The following PCDHA6 variants were observed in gnomAD, a reference collection of about 807,000 sequenced individuals.
The protein encoded by PCDHA6 is protocadherin alpha 6.
A neutral mutation model predicts 60.3 loss-of-function variants in PCDHA6; 55 were observed. The observed-to-expected ratio is 0.91, with a 90% confidence interval of 0.73 to 1.14. The LOEUF (loss-of-function observed/expected upper bound fraction) is 1.14. Among genes scored for constraint, PCDHA6 ranks in the 50% most tolerant of loss-of-function variants. The probability of loss-of-function intolerance (pLI) is 0.00; values close to 1 mark genes in which losing one functional copy is unlikely to be tolerated. For synonymous variants in PCDHA6, 652 were observed against 557.9 expected, an observed-to-expected ratio of 1.17 and a Z score of -2.38; for missense variants, 1,327 against 1,256.5, an observed-to-expected ratio of 1.06 and a Z score of -0.85.
intron 1 of PCDHA6, chr5:140,882,952 G>A (rs782634608): frequency 3.7e-6 from 6 of 1,614,048 alleles, no homozygotes; most frequent in Non-Finnish European, 5.1e-6. Flanking sequence ...CAGTTCAGCT[G>A]CTCATCACGA....
Position 140,929,060 on chromosome 5 carries a change from A to G in PCDHA6, c.2395-49889A>G, listed in dbSNP as rs782222884. 3 of 1,614,188 alleles carry G rather than the reference A, an allele frequency of 1.9e-6. No individual in the cohort carries two copies. In the South Asian group the frequency reaches 3.3e-5, roughly 18 times the overall value. On this transcript the variant is annotated intron_variant, in intron 1 of 3. Transcript: ENST00000529310. ...GCTCAGAGCTGCTGTCGCTCTACAGAGGATCTGAGGTATGGAAGTAAGATG... is the reference window on the plus strand; with the variant it reads ...GCTCAGAGCTGCTGTCGCTCTACAGGGGATCTGAGGTATGGAAGTAAGATG...
chr5:140,991,981 T>C (rs2097483028), intron 3 of PCDHA6, among the ~76,000 whole-genome samples: 1 of 152,008 alleles, frequency 6.6e-6, no homozygotes, highest in South Asian at 2.1e-4. Flanking sequence ...TTATTCTGCC[T>C]ACCACCCGGT....
rs939986849 is a variant in PCDHA6, at chr5:140,871,330, G to T, written c.2394+40845G>T. 10 of 1,613,998 alleles carry T rather than the reference G, an allele frequency of 6.2e-6. No homozygotes were observed. Among genetic ancestry groups the T allele is most frequent in the Non-Finnish European group, 8.5e-6 (10 of 1,180,034 alleles). On this transcript the variant is annotated intron_variant, in intron 1 of 3. Transcript: ENST00000529310. The stretch of plus-strand genomic sequence containing the variant: ...GAAGCCCACGCTGGTGTGCTCCCGC[G>T]CGGTGGGGAGCTGGTCATACTCGCA...
At chr5:140,842,748 C>T (rs149941021) in intron 1 of PCDHA6, 2 of 1,595,020 alleles carry the variant, frequency 1.3e-6, no homozygotes, top group East Asian at 2.2e-5. Flanking sequence ...CACATCTTCA[C>T]GGTGTCTGCG....
intron 1 of PCDHA6, chr5:140,851,988 A>G: frequency 1.0e-6 from 1 of 975,740 alleles, no homozygotes. Flanking sequence ...AGTGCAAGCT[A>G]TTTGTTTGTT....
chr5:141,010,373 G>A lies in PCDHA6; in HGVS notation c.*436G>A, dbSNP rs1554262916. 6.8e-7 allele frequency: 1 copy of A among 1,463,988 alleles called. No homozygotes were observed. Among genetic ancestry groups the A allele is most frequent in the Admixed American group, 2.4e-5 (1 of 41,618 alleles). The allele number at this position is 1,463,988 out of a possible 1,614,324, so 90.7% of individuals were successfully genotyped here. ...GTGTGGCTACCGCGGGTATGCGAGT[G>A]CCAGATATTGGCTGAGACGAGCCAG... On this transcript the variant is annotated 3_prime_UTR_variant, in exon 4 of 4. Coordinates refer to ENST00000529310, the MANE Select transcript of PCDHA6 (RefSeq NM_018909.4).
chr5:140,953,279 A>T (rs2153698724), intron 1 of PCDHA6, among the ~76,000 whole-genome samples: 1 of 152,188 alleles, frequency 6.6e-6, no homozygotes, highest in Non-Finnish European at 1.5e-5. Context: ...TTTGCTCTTT[A>T]TATGTGATTC....
intron 3 of PCDHA6, among the ~76,000 whole-genome samples, chr5:141,005,470 G>T (rs1563690887): frequency 6.6e-6 from 1 of 151,956 alleles, no homozygotes; most frequent in African/African-American, 2.4e-5. Flanking sequence ...TTGGGAGGCC[G>T]AGACGGGCGG....
chr5:140,923,012 G>A (rs2081117924), intron 1 of PCDHA6, among the ~76,000 whole-genome samples: 1 of 152,206 alleles, frequency 6.6e-6, no homozygotes, highest in Non-Finnish European at 1.5e-5. Flanking sequence ...TTGTTGGACT[G>A]CAGTTTCGGA....
At chr5:140,969,241 A>G (rs1554231627) in intron 1 of PCDHA6, 2 of 1,614,230 alleles carry the variant, frequency 1.2e-6, no homozygotes, top group Admixed American at 3.3e-5. Context: ...CCCAAGCAGC[A>G]GTGACTGACA....
At chr5:140,923,217 ATCGTTTGAG>A (rs2081234922) in intron 1 of PCDHA6, among the ~76,000 whole-genome samples, 1 of 135,418 alleles carries the variant, frequency 7.4e-6, no homozygotes, top group Admixed American at 7.5e-5. Flanking sequence ...AGGTGAAAGG[ATCGTTTGAG>A]CCCAGAAGTT....
At chr5:140,971,715 T>C (rs2096493906) in intron 1 of PCDHA6, among the ~76,000 whole-genome samples, 1 of 152,048 alleles carries the variant, frequency 6.6e-6, no homozygotes. Context: ...TATATAGATA[T>C]ATGTATATCA....
chr5:140,829,141 A>G lies in PCDHA6; in HGVS notation c.1050A>G (p.Ile350Met). 6.2e-7 allele frequency: 1 copy of G among 1,613,462 alleles called. No homozygotes were observed. Among genetic ancestry groups the G allele is most frequent in the Non-Finnish European group, 8.5e-7 (1 of 1,179,358 alleles). ...ILDKNDNVPE[I>M]ALTSLSLPVR... ...ATAAAAATGATAACGTCCCTGAGAT[A>G]GCACTGACTTCCTTATCCTTGCCTG... Residue 350 changes from isoleucine to methionine, a missense_variant, in exon 1 of 4, where the codon ATA becomes ATG. Ile to Met is a conservative substitution (Grantham distance 10, BLOSUM62 1). Coordinates refer to ENST00000529310, the MANE Select transcript of PCDHA6 (RefSeq NM_018909.4).
chr5:140,856,108 C>A, intron 1 of PCDHA6: 1 of 1,598,026 alleles, frequency 6.3e-7, no homozygotes, highest in African/African-American at 1.3e-5. Context: ...TTCTTCTCCT[C>A]GCAGCCTGGG....
chr5:140,934,941 T>C (rs1397192075), intron 1 of PCDHA6, among the ~76,000 whole-genome samples: 4 of 152,172 alleles, frequency 2.6e-5, no homozygotes, highest in African/African-American at 9.6e-5. Context: ...AAAACTAGTA[T>C]AGAGAGATCC....
In PCDHA6 at chr5:140,828,948, C is replaced by A. The variant is rs2150161275; in HGVS notation, c.857C>A (p.Ala286Glu). 4.6e-5 allele frequency: 74 copies of A among 1,614,030 alleles called. No individual in the cohort carries two copies. The highest frequency in any genetic ancestry group is 1.5e-4 in the Admixed American group (9 of 59,998). Residue 286 changes from alanine to glutamate, a missense_variant, in exon 1 of 4, where the codon GCA becomes GAA. Ala to Glu is a moderately radical substitution (Grantham distance 107). Coordinates refer to ENST00000529310, the MANE Select transcript of PCDHA6 (RefSeq NM_018909.4). ...AISYSFNSLVAAMVIDHFSID... is the reference protein window; with the variant it reads ...AISYSFNSLVEAMVIDHFSID... ...TCATATTCTTTTAATAGCCTTGTTG[C>A]AGCCATGGTTATTGACCACTTTAGC...
chr5:140,853,646 G>T (rs1277332064), intron 1 of PCDHA6: 1 of 988,662 alleles, frequency 1.0e-6, no homozygotes, highest in Non-Finnish European at 1.2e-6. Flanking sequence ...CCTAAATTGA[G>T]CCTGTTCCAG....
rs1234453098 is a variant in PCDHA6, at chr5:141,010,058, C to A, written c.*121C>A. 2 of 1,600,982 alleles carry A rather than the reference C, an allele frequency of 1.2e-6. No homozygotes were observed. The highest frequency in any genetic ancestry group is 1.7e-6 in the Non-Finnish European group (2 of 1,173,736). Reference sequence around the variant, plus strand: ...GAGCCCTCTTAGAGACCTCAGAAATCTGCAGAAAGTTCCCTGTGTCTGTCT... The same window carrying A: ...GAGCCCTCTTAGAGACCTCAGAAATATGCAGAAAGTTCCCTGTGTCTGTCT... On this transcript the variant is annotated 3_prime_UTR_variant, in exon 4 of 4. Transcript: ENST00000529310.
intron 1 of PCDHA6, chr5:140,870,788 C>A (rs782319322): frequency 3.7e-6 from 6 of 1,613,636 alleles, no homozygotes; most frequent in Non-Finnish European, 5.1e-6. Context: ...GACAACGCGC[C>A]GGCACTGCTG....
Sources: gnomAD v4.1 joint callset for allele counts (sites outside exome capture counted in the v4.1 genomes callset) on GRCh38, gnomAD v4.1.1 for gene constraint, MANE v1.5 for transcripts, NCBI Gene and HGNC (gene_info 2026-07-23, HGNC 2026-07-21) for gene names.